Variants in MRPL28 observed in about 807,000 individuals in gnomAD.
The protein encoded by MRPL28 is large ribosomal subunit protein bL28m.
In MRPL28, 25 loss-of-function variants were observed where a neutral mutation model predicts 26.2. The ratio of observed to expected loss-of-function variants is 0.95; its 90% CI spans 0.69 to 1.33. The LOEUF (loss-of-function observed/expected upper bound fraction) is 1.33. Among genes scored for constraint, MRPL28 ranks in the 40% most tolerant of loss-of-function variants. MRPL28 has a pLI of 0.00. For missense variants in MRPL28, 432 were observed against 327.2 expected, an observed-to-expected ratio of 1.32 and a Z score of -2.47; for synonymous variants, 227 against 140.1, an observed-to-expected ratio of 1.62 and a Z score of -4.38.
intron 2 of MRPL28, chr16:369,616 C>CGA (rs374115750): frequency 1.7e-4 from 124 of 716,812 alleles, no homozygotes; most frequent in African/African-American, 3.0e-4. Flanking sequence ...CTCGCCTCCC[C>CGA]CACCTGCTCT....
chr16:369,292 C>T (rs1239356079), intron 2 of MRPL28, 72 bp from the exon 3 acceptor site: 32 of 1,544,162 alleles, frequency 2.1e-5, no homozygotes, highest in Non-Finnish European at 2.7e-5. Context: ...CAGGCAACTG[C>T]CCTCACCTCC....
Position 367,226 on chromosome 16 carries a change from A to C in MRPL28, c.*449T>G, listed in dbSNP as rs889607563. On this transcript the variant is annotated 3_prime_UTR_variant, in exon 6 of 6. Transcript: ENST00000199706. The stretch of plus-strand genomic sequence containing the variant: ...TCTCAAAAAAAGAAAAGAAAAAAAA[A>C]CACAAAACACAGAATTGAACCTCGC... 2.0e-5 allele frequency among the ~76,000 whole-genome samples: 3 copies of C among 152,124 alleles called. No homozygotes were observed. The highest frequency in any genetic ancestry group is 7.2e-5 in the African/African-American group (3 of 41,420).
intron 3 of MRPL28, 148 bp downstream of exon 3, chr16:368,920 G>T: frequency 1.8e-6 from 2 of 1,142,332 alleles, no homozygotes; most frequent in Non-Finnish European, 2.4e-6. Context: ...GTGCTGGCCA[G>T]AAAGGGGCAT....
At chr16:367,848 T>C in intron 5 of MRPL28, 66 bp from the exon 6 acceptor site, 2 of 1,408,504 alleles carry the variant, frequency 1.4e-6, no homozygotes, top group South Asian at 2.4e-5. Context: ...CCGACGGGGA[T>C]GGGATCAGCA....
At position 368,596 on chromosome 16, in the gene MRPL28, G is replaced by A. The variant is rs757421560; in HGVS notation, c.481C>T (p.Leu161=). The part of the protein sequence containing the change: ...EDLCSKFGMD[L]KRGMLLRLAR... ...AGCCGCAGCAGCATCCCTCGCTTCAGGTCCATCCCAAACTTGGAGCACAGG... is the reference window on the plus strand; with the variant it reads ...AGCCGCAGCAGCATCCCTCGCTTCAAGTCCATCCCAAACTTGGAGCACAGG... Residue 161 remains leucine, a synonymous_variant, in exon 4 of 6, where the codon CTG becomes TTG. Transcript: ENST00000199706. The A allele has an allele frequency of 3.1e-6, 5 of 1,591,750 alleles. No homozygotes were observed. The East Asian group carries it at 6.7e-5, about 21-fold the overall frequency.
chr16:368,827 G>A, intron 3 of MRPL28, 192 bp from the exon 4 acceptor site: 1 of 1,054,928 alleles, frequency 9.5e-7, no homozygotes, highest in East Asian at 2.6e-5. Context: ...CAGGGAAAGG[G>A]GCGGCTGTGC....
In MRPL28 at chr16:367,598, C is replaced by G. The variant is rs2054270711; in HGVS notation, c.*77G>C. On this transcript the variant is annotated 3_prime_UTR_variant, in exon 6 of 6. Transcript: ENST00000199706. ...CCCACCGGTGGCCCTCACAGCTCCC[C>G]GGGATCTGTGTCCTCAGTGCAAAGG... 4.5e-6 allele frequency: 6 copies of G among 1,335,688 alleles called. No homozygotes were observed. The highest frequency in any genetic ancestry group is 5.3e-6 in the Non-Finnish European group (5 of 939,746). 82.7% of individuals were successfully genotyped at this position (1,335,688 alleles called of 1,614,324 possible).
intron 2 of MRPL28, chr16:369,689 G>A (rs558386355): frequency 1.2e-5 from 8 of 690,714 alleles, no homozygotes; most frequent in East Asian, 2.8e-5. Flanking sequence ...ACTTTACCCC[G>A]ACTCCCCACG....
At chr16:369,373 GC>G in intron 2 of MRPL28, 153 bp from the exon 3 acceptor site, 1 of 936,022 alleles carries the variant, frequency 1.1e-6, no homozygotes, top group Non-Finnish European at 1.6e-6. Context: ...CCGGCCCCCA[GC>G]CCAGTGCCGC....
rs138025164 is a variant in MRPL28, at chr16:369,104, G to C, written c.405C>G (p.Ile135Met). 1 of 1,613,974 alleles carries C rather than the reference G, an allele frequency of 6.2e-7. No individual in the cohort carries two copies. Among genetic ancestry groups the C allele is most frequent in the Non-Finnish European group, 8.5e-7 (1 of 1,179,936 alleles). The change falls in exon 3 of 6, where the codon ATC (isoleucine) becomes ATG (methionine). Residue 135 changes from isoleucine (I) to methionine (M), a missense_variant. Ile to Met is a conservative substitution (Grantham distance 10, BLOSUM62 1). Coordinates refer to ENST00000199706, the MANE Select transcript of MRPL28 (RefSeq NM_006428.5). ...AAAAGTCGAGCCCATAAGCCTCATCGATGAGGTCCAGGGTCCGCATGGTCA... is the reference window on the plus strand; with the variant it reads ...AAAAGTCGAGCCCATAAGCCTCATCCATGAGGTCCAGGGTCCGCATGGTCA... ...VTVTMRTLDLIDEAYGLDFYI... is the reference protein window; with the variant it reads ...VTVTMRTLDLMDEAYGLDFYI...
In MRPL28 at chr16:368,312, G is replaced by A; in HGVS notation, c.663+16C>T. 6.2e-7 allele frequency: 1 copy of A among 1,612,814 alleles called. No homozygotes were observed. The highest frequency in any genetic ancestry group is 8.5e-7 in the Non-Finnish European group (1 of 1,179,444). On this transcript the variant is annotated intron_variant, in intron 5 of 5. Coordinates refer to ENST00000199706, the MANE Select transcript of MRPL28 (RefSeq NM_006428.5). ...GGCTCTGGGCAGGCAGCATCGGCTGGTGCTCACACACTCACCTTCTCCTCC... is the reference window on the plus strand; with the variant it reads ...GGCTCTGGGCAGGCAGCATCGGCTGATGCTCACACACTCACCTTCTCCTCC...
chr16:370,012 G>C lies in MRPL28; in HGVS notation c.207C>G (p.Ile69Met). 1 of 1,613,294 alleles carries C rather than the reference G, an allele frequency of 6.2e-7. No homozygotes were observed. The highest frequency in any genetic ancestry group is 1.1e-5 in the South Asian group (1 of 91,090). ...RERVEDVPIP[I>M]YFPPESQRGL... ...CCCGCTGGGATTCGGGGGGAAAGTA[G>C]ATGGGAATGGGCACGTCCTCCACAC... The change falls in exon 2 of 6, where the codon ATC (isoleucine) becomes ATG (methionine). Residue 69 changes from isoleucine (I) to methionine (M), a missense_variant. Transcript: ENST00000199706.
chr16:367,757 T>C lies in MRPL28; in HGVS notation c.689A>G (p.Tyr230Cys), dbSNP rs13226. The change falls in exon 6 of 6, where the codon TAT (tyrosine) becomes TGT (cysteine). Residue 230 changes from tyrosine (Y) to cysteine (C), a missense_variant. Physicochemically the swap from Tyr to Cys is radical, Grantham distance 194. Coordinates refer to ENST00000199706, the MANE Select transcript of MRPL28 (RefSeq NM_006428.5). ...EKDPVPLFKI[Y>C]VAELIQQLQQ... ...CAGCTGCTGGATCAGCTCCGCCACA[T>C]AGATCTTGAACAGGGGTACAGGGTC... 0.072 allele frequency: 116,234 copies of C among 1,613,602 alleles called. 4,765 individuals carry two copies. Among genetic ancestry groups the C allele is most frequent in the Non-Finnish European group, 0.084 (98,812 of 1,179,822 alleles).
At position 369,116 on chromosome 16, in the gene MRPL28, G is replaced by A. The variant is rs1289232164; in HGVS notation, c.393C>T (p.Thr131=). Residue 131 remains threonine (T), a synonymous_variant, in exon 3 of 6, where the codon ACC becomes ACT. Transcript: ENST00000199706. ...CATAAGCCTCATCGATGAGGTCCAG[G>A]GTCCGCATGGTCACAGTCACTGTGA... The part of the protein sequence containing the change: ...KKFTVTVTMR[T]LDLIDEAYGL... 1.2e-6 allele frequency: 2 copies of A among 1,613,896 alleles called. No individual in the cohort carries two copies. Among genetic ancestry groups the A allele is most frequent in the African/African-American group, 1.3e-5 (1 of 74,916 alleles).
intron 2 of MRPL28, 49 bp downstream of exon 2, chr16:369,882 G>A (rs779462989): frequency 1.3e-6 from 2 of 1,567,998 alleles, no homozygotes; most frequent in Non-Finnish European, 1.7e-6. Context: ...CACAGAGCCG[G>A]CACAGCCAAG....
In MRPL28 at chr16:369,983, A is replaced by G; in HGVS notation, c.236T>C (p.Leu79Ser). Residue 79 changes from leucine (L) to serine (S), a missense_variant, in exon 2 of 6, where the codon TTG becomes TCG. Coordinates refer to ENST00000199706, the MANE Select transcript of MRPL28 (RefSeq NM_006428.5). ...CAGGATCCAGCCCTCGCCGCCCCAC[A>G]ACCCCCGCTGGGATTCGGGGGGAAA... is the stretch of plus-strand genomic sequence containing the variant. ...IYFPPESQRG[L>S]WGGEGWILGQ... The G allele has an allele frequency of 1.2e-6, 2 of 1,612,792 alleles. No homozygotes were observed. The highest frequency in any genetic ancestry group is 8.5e-7 in the Non-Finnish European group (1 of 1,179,818).
At position 370,100 on chromosome 16, in the gene MRPL28, G is replaced by A. The variant is rs1363372706; in HGVS notation, c.119C>T (p.Pro40Leu). The change falls in exon 2 of 6, where the codon CCC becomes CTC. Residue 40 changes from proline (P) to leucine (L), a missense_variant. Coordinates refer to ENST00000199706, the MANE Select transcript of MRPL28 (RefSeq NM_006428.5). Reference sequence around the variant, plus strand: ...GGCCCCATGAGGCCTATAGTGCACGGGAGTGGGCGTCCGCTCCTCCTCCAG... The same window carrying A: ...GGCCCCATGAGGCCTATAGTGCACGAGAGTGGGCGTCCGCTCCTCCTCCAG... Reference protein sequence around the residue: ...RSLEEERTPTPVHYRPHGAKF... With the variant: ...RSLEEERTPTLVHYRPHGAKF... 3 of 1,610,882 alleles carry A rather than the reference G, an allele frequency of 1.9e-6. No homozygotes were observed. The highest frequency in any genetic ancestry group is 2.7e-5 in the African/African-American group (2 of 74,824).
rs1364594467 is a variant in MRPL28, at chr16:370,192, C to T, written c.27G>A (p.Trp9Ter). 4.4e-6 allele frequency: 7 copies of T among 1,597,492 alleles called. No individual in the cohort carries two copies. Among genetic ancestry groups the T allele is most frequent in the Non-Finnish European group, 5.9e-6 (7 of 1,176,840 alleles). ...CCCGCAGCTGCAGCCGCTTCCAGAGCCACACGGGATACTTGTGTAGAGGCA... is the reference window on the plus strand; with the variant it reads ...CCCGCAGCTGCAGCCGCTTCCAGAGTCACACGGGATACTTGTGTAGAGGCA... MPLHKYPV[W>*]LWKRLQLREG... The change falls in exon 2 of 6, where the codon TGG becomes TGA. Residue 9 changes from tryptophan (W) to a stop codon, truncating the protein, a stop_gained. Transcript: ENST00000199706. LOFTEE classifies it high-confidence loss of function.
chr16:367,679 T>G lies in MRPL28; in HGVS notation c.767A>C (p.Gln256Pro), dbSNP rs903338075. The change falls in exon 6 of 6, where the codon CAG (glutamine) becomes CCG (proline). Residue 256 changes from glutamine (Q) to proline (P), a missense_variant. Coordinates refer to ENST00000199706, the MANE Select transcript of MRPL28 (RefSeq NM_006428.5). ...AGGCATGGAGGAGCTGTGTGGTCAC[T>G]GGCCACTGGCTCTCTTCTGCACCAC... is the stretch of plus-strand genomic sequence containing the variant. ...PAVVQKRASG[Q>P] is the part of the protein sequence containing the mutation. The G allele has an allele frequency of 6.2e-7, 1 of 1,613,512 alleles. No individual in the cohort carries two copies. Among genetic ancestry groups the G allele is most frequent in the Non-Finnish European group, 8.5e-7 (1 of 1,179,794 alleles).
Sources: gnomAD v4.1 joint callset for allele counts (sites outside exome capture counted in the v4.1 genomes callset) on GRCh38, gnomAD v4.1.1 for gene constraint, MANE v1.5 for transcripts, NCBI Gene and HGNC (gene_info 2026-07-23, HGNC 2026-07-21) for gene names.